Variants in PCDHA7 observed in about 807,000 individuals in gnomAD.
The protein encoded by PCDHA7 is protocadherin alpha-7.
Under a neutral mutation model 57.2 loss-of-function variants are expected in PCDHA7, and 37 were observed. The ratio of observed to expected loss-of-function variants is 0.65; its 90% confidence interval spans 0.50 to 0.85. The LOEUF (loss-of-function observed/expected upper bound fraction) is 0.85. Among genes scored for constraint, PCDHA7 ranks in the 40% least tolerant of loss-of-function variants. The probability of loss-of-function intolerance (pLI) is 0.00; values close to 1 mark genes in which losing one functional copy is unlikely to be tolerated. For missense variants in PCDHA7, 1,188 were observed against 1,241.8 expected (o/e 0.96, Z 0.65); for synonymous variants, 553 against 558.8 (o/e 0.99, Z 0.15).
At chr5:140,848,367 G>C in intron 1 of PCDHA7, 3 of 1,100,452 alleles carry the variant, frequency 2.7e-6, no homozygotes, top group Non-Finnish European at 4.0e-6. Context: ...TGGGAAAGAG[G>C]CTCAATTCTT....
chr5:140,927,128 A>T (rs2083872958), intron 1 of PCDHA7: 2 of 1,613,878 alleles, frequency 1.2e-6, no homozygotes, highest in Non-Finnish European at 1.7e-6. Context: ...GTGGTCAGAG[A>T]GCCGGCGGAC....
intron 1 of PCDHA7, among the ~76,000 whole-genome samples, chr5:140,933,958 G>A (rs2089541288): frequency 1.3e-5 from 2 of 151,998 alleles, no homozygotes; most frequent in South Asian, 4.1e-4. Context: ...AGGATCTGTA[G>A]TGATGTTTCC....
At chr5:140,856,743 T>A in intron 1 of PCDHA7, 1 of 1,596,776 alleles carries the variant, frequency 6.3e-7, no homozygotes, top group Non-Finnish European at 8.6e-7. Flanking sequence ...ATCCTGGTGT[T>A]AGATGCCAAT....
chr5:140,956,774 C>A (rs1232431991), intron 1 of PCDHA7, among the ~76,000 whole-genome samples: 2 of 152,070 alleles, frequency 1.3e-5, no homozygotes, highest in Non-Finnish European at 2.9e-5. Flanking sequence ...TCTGTCTGGT[C>A]CTGGGCTTTG....
chr5:140,840,708 C>T (rs1776833354), intron 1 of PCDHA7, among the ~76,000 whole-genome samples: 1 of 151,964 alleles, frequency 6.6e-6, no homozygotes, highest in African/African-American at 2.4e-5. Flanking sequence ...GGCAATTTGA[C>T]ATTTATTGAA....
intron 1 of PCDHA7, chr5:140,857,355 C>T: frequency 6.3e-7 from 1 of 1,598,292 alleles, no homozygotes. Flanking sequence ...CCGCTGTGGG[C>T]CACGGCCAGC....
chr5:140,862,630 C>T (rs138501125), intron 1 of PCDHA7: 7 of 535,352 alleles, frequency 1.3e-5, no homozygotes, highest in Non-Finnish European at 2.7e-5. Flanking sequence ...GCGGGGCTGC[C>T]ACGACTTCAC....
intron 1 of PCDHA7, among the ~76,000 whole-genome samples, chr5:140,962,255 A>G (rs991096495): frequency 2.0e-5 from 3 of 152,204 alleles, no homozygotes; most frequent in African/African-American, 7.2e-5. Flanking sequence ...TCAATGAAAA[A>G]TAATTTTATA....
At chr5:140,968,947 C>T (rs1342316299) in intron 1 of PCDHA7, 6 of 1,614,042 alleles carry the variant, frequency 3.7e-6, no homozygotes, top group Non-Finnish European at 5.1e-6. Context: ...TCATTTTGAG[C>T]ATCATCAAGT....
In PCDHA7 at chr5:140,850,602, G is replaced by T. The variant is rs146973370; in HGVS notation, c.2355+13864G>T. ...GGATGTCAACGTGTACCTGATCATC[G>T]CCATCTGCGCGGTGTCTAGCCTGTT... On this transcript the variant is annotated intron_variant, in intron 1 of 3. Coordinates refer to ENST00000525929, the MANE Select transcript of PCDHA7 (RefSeq NM_018910.3). 1.5e-4 allele frequency: 240 copies of T among 1,598,420 alleles called. 25 individuals carry two copies. The highest frequency in any genetic ancestry group is 1.8e-4 in the Non-Finnish European group (209 of 1,167,886).
chr5:140,982,300 GCTT>G, intron 2 of PCDHA7, 172 bp from the exon 3 acceptor site: 2 of 1,204,624 alleles, frequency 1.7e-6, no homozygotes, highest in Non-Finnish European at 1.1e-6. Context: ...AGTCAGCAAT[GCTT>G]CTGCAGTTTA....
At chr5:140,864,164 C>T (rs80100422) in intron 1 of PCDHA7, 19,126 of 151,926 alleles carry the variant, frequency 0.13, 1,273 homozygotes, top group Middle Eastern at 0.19. Context: ...TAAATCTTAC[C>T]GGAAGGATCA....
chr5:140,968,564 G>C (rs565573880), intron 1 of PCDHA7: 1 of 1,614,168 alleles, frequency 6.2e-7, no homozygotes, highest in South Asian at 1.1e-5. Context: ...AACTGCCCCT[G>C]CTGGCTACCT....
chr5:140,897,086 T>TA (rs1430532398), intron 1 of PCDHA7, among the ~76,000 whole-genome samples: 12 of 152,178 alleles, frequency 7.9e-5, no homozygotes, highest in Non-Finnish European at 1.6e-4. Flanking sequence ...TTCTATTTTT[T>TA]ATCCTCATTA....
rs2150220823 is a variant in PCDHA7, at chr5:140,834,552, G to A, written c.169G>A (p.Ala57Thr). The A allele has an allele frequency of 1.9e-6, 3 of 1,614,094 alleles. No individual in the cohort carries two copies. The highest frequency in any genetic ancestry group is 8.5e-7 in the Non-Finnish European group (1 of 1,180,042). Residue 57 changes from alanine to threonine, a missense_variant, in exon 1 of 4, where the codon GCG (alanine) becomes ACG (threonine). Transcript: ENST00000525929. ...CGCGCAGGACCTGGGGCTGGAGCTG[G>A]CGGAGCTGGTGCCGCGCCTGTTCCG... Reference protein sequence around the residue: ...RIAQDLGLELAELVPRLFRAV... With the variant: ...RIAQDLGLELTELVPRLFRAV...
intron 1 of PCDHA7, among the ~76,000 whole-genome samples, chr5:140,976,868 CAAAG>C (rs1397427113): frequency 6.6e-5 from 10 of 152,120 alleles, no homozygotes; most frequent in African/African-American, 1.2e-4. Flanking sequence ...TACTGTCTGA[CAAAG>C]AAAGAATTAG....
intron 1 of PCDHA7, chr5:140,927,462 A>C (rs782679625): frequency 6.2e-7 from 1 of 1,614,138 alleles, no homozygotes; most frequent in East Asian, 2.2e-5. Flanking sequence ...TGGAGAAAGC[A>C]CTGGATCGCG....
chr5:140,855,965 A>G (rs2043700176), intron 1 of PCDHA7: 1 of 1,417,586 alleles, frequency 7.1e-7, no homozygotes, highest in Non-Finnish European at 9.6e-7. Flanking sequence ...AAAAATAGAT[A>G]TAAGAAATAG....
intron 1 of PCDHA7, chr5:140,869,830 G>A: frequency 1.2e-6 from 2 of 1,611,658 alleles, no homozygotes; most frequent in Non-Finnish European, 1.7e-6. Flanking sequence ...TCCAGAGTTT[G>A]ATAAATCAGA....
Sources: gnomAD v4.1 joint callset for allele counts (sites outside exome capture counted in the v4.1 genomes callset) on GRCh38, gnomAD v4.1.1 for gene constraint, MANE v1.5 for transcripts, NCBI Gene and HGNC (gene_info 2026-07-23, HGNC 2026-07-21) for gene names.